GABRA2: variants seen among roughly 807,000 people sequenced by gnomAD.
GABRA2 encodes gamma-aminobutyric acid receptor subunit alpha-2.
Under a neutral mutation model 48.7 loss-of-function variants are expected in GABRA2, and 16 were observed. The observed-to-expected ratio is 0.33, with a 90% CI of 0.22 to 0.50. The LOEUF is 0.50. Among genes scored for constraint, GABRA2 ranks in the 20% least tolerant of loss-of-function variants. GABRA2 has a pLI of 0.98. For synonymous variants in GABRA2, 185 were observed against 184.5 expected (o/e 1.00, Z -0.02); for missense variants, 275 against 535.6 (o/e 0.51, Z 4.80).
intron 4 of GABRA2, among the ~76,000 whole-genome samples, chr4:46,321,688 G>T (rs938615456): frequency 4.6e-5 from 7 of 151,882 alleles, no homozygotes; most frequent in African/African-American, 1.7e-4. Context: ...TTACTTCCTA[G>T]GACTCTTGTA....
intron 3 of GABRA2, among the ~76,000 whole-genome samples, chr4:46,358,173 C>G (rs774616633): frequency 3.3e-5 from 5 of 152,082 alleles, no homozygotes; most frequent in African/African-American, 1.2e-4. Context: ...CCAGCTCTAA[C>G]CAAACAACTT....
intron 8 of GABRA2, among the ~76,000 whole-genome samples, chr4:46,270,332 T>C (rs1719079561): frequency 6.6e-6 from 1 of 152,052 alleles, no homozygotes; most frequent in African/African-American, 2.4e-5. Context: ...CTTTTCTGTT[T>C]ACTGCTTTGG....
intron 8 of GABRA2, 71 bp from the exon 9 acceptor site, chr4:46,262,199 T>C (rs1717112409): frequency 8.0e-7 from 1 of 1,243,000 alleles, no homozygotes. Flanking sequence ...GTAGCTTTTC[T>C]TTCTCCCTCC....
rs1718047962 is a variant in GABRA2, at chr4:46,390,037, G to T, written c.-313C>A. 2.1e-5 allele frequency: 6 copies of T among 291,206 alleles called. No homozygotes were observed. Among genetic ancestry groups the T allele is most frequent in the Non-Finnish European group, 2.8e-5 (6 of 215,160 alleles). The allele number at this position is 291,206 out of a possible 1,614,324, so 18.0% of individuals were successfully genotyped here. A position where few individuals can be genotyped will look rare whatever the true frequency, so the allele number is the denominator to read the frequency against. ...GGAGGAAGAGGAGGAGGGGGAAAAC[G>T]ATGACAGGAGCTGGGGCCGGGGGGG... On this transcript the variant is annotated 5_prime_UTR_variant, in exon 1 of 10. Transcript: ENST00000381620.
chr4:46,263,092 T>C (rs576224383), intron 8 of GABRA2, among the ~76,000 whole-genome samples: 2 of 152,084 alleles, frequency 1.3e-5, no homozygotes, highest in East Asian at 3.9e-4. Flanking sequence ...TACATATACA[T>C]ATACATGTAT....
chr4:46,262,957 A>G (rs1717325528), intron 8 of GABRA2, among the ~76,000 whole-genome samples: 1 of 26,890 alleles, frequency 3.7e-5, no homozygotes, highest in Non-Finnish European at 7.5e-5. Context: ...AAAGAAAGAA[A>G]GAGAGAGAGA....
intron 3 of GABRA2, among the ~76,000 whole-genome samples, chr4:46,344,595 T>C (rs1049351862): frequency 1.5e-4 from 23 of 151,430 alleles, no homozygotes; most frequent in Admixed American, 1.3e-4. Context: ...AAGACTGAGG[T>C]TGAAAGGGAG....
At chr4:46,308,717 C>T (rs571033864) in intron 6 of GABRA2, among the ~76,000 whole-genome samples, 1 of 152,288 alleles carries the variant, frequency 6.6e-6, no homozygotes, top group South Asian at 2.1e-4. Context: ...ACTATATGCT[C>T]AAGCATGCGA....
intron 4 of GABRA2, among the ~76,000 whole-genome samples, chr4:46,327,830 C>T (rs1203870407): frequency 6.6e-6 from 1 of 152,036 alleles, no homozygotes; most frequent in Non-Finnish European, 1.5e-5. Context: ...TAATGGTAAA[C>T]TCTGTATCAG....
intron 3 of GABRA2, among the ~76,000 whole-genome samples, chr4:46,378,724 G>T (rs1031584325): frequency 8.5e-5 from 13 of 152,070 alleles, no homozygotes; most frequent in African/African-American, 2.4e-4. Flanking sequence ...CTACTCAGGG[G>T]ACTGAGGTGG....
rs1265438404 is a variant in GABRA2, at chr4:46,321,580, C to T, written c.256-8864G>A. ...AGAAATAGATGTTAAAACACAAGTT[C>T]TCAAGTCGGGTAGATCAGGGTACCT... On this transcript the variant is annotated intron_variant, in intron 4 of 9. Transcript: ENST00000381620. Among the ~76,000 whole-genome samples the T allele has an allele frequency of 2.0e-5, 3 of 152,016 alleles. No individual in the cohort carries two copies. In the East Asian group the frequency reaches 5.8e-4, roughly 29 times the overall value.
chr4:46,311,928 G>A (rs753401732), intron 5 of GABRA2, among the ~76,000 whole-genome samples: 1 of 152,066 alleles, frequency 6.6e-6, no homozygotes, highest in Non-Finnish European at 1.5e-5. Flanking sequence ...GCGAAACACC[G>A]TCTCTACTAA....
At chr4:46,256,057 C>T (rs999004165) in intron 9 of GABRA2, 1 of 419,974 alleles carries the variant, frequency 2.4e-6, no homozygotes, top group African/African-American at 2.0e-5. Flanking sequence ...GCTTTTTCTA[C>T]CATACCATGT....
At chr4:46,378,944 AC>A in intron 3 of GABRA2, among the ~76,000 whole-genome samples, 1 of 152,326 alleles carries the variant, frequency 6.6e-6, no homozygotes, top group African/African-American at 2.4e-5. Context: ...TATAATACAT[AC>A]CAGCGCTGCC....
At chr4:46,252,969 A>T (rs1715089627) in intron 9 of GABRA2, among the ~76,000 whole-genome samples, 1 of 151,422 alleles carries the variant, frequency 6.6e-6, no homozygotes, top group Non-Finnish European at 1.5e-5. Flanking sequence ...GTGGAGTGCA[A>T]ATCATAACTA....
intron 8 of GABRA2, among the ~76,000 whole-genome samples, chr4:46,270,492 T>G (rs1719116197): frequency 6.6e-6 from 1 of 151,990 alleles, no homozygotes; most frequent in African/African-American, 2.4e-5. Context: ...CTCTAAATGT[T>G]TCCTTAGCAT....
intron 8 of GABRA2, among the ~76,000 whole-genome samples, chr4:46,290,754 G>A (rs950737895): frequency 2.6e-5 from 4 of 152,112 alleles, no homozygotes; most frequent in Admixed American, 2.6e-4. Flanking sequence ...AAATTAATGG[G>A]AGAGAAGTGA....
chr4:46,348,802 C>A (rs1054060528), intron 3 of GABRA2, among the ~76,000 whole-genome samples: 9 of 150,184 alleles, frequency 6.0e-5, no homozygotes, highest in African/African-American at 1.7e-4. Flanking sequence ...GGAGGGATAG[C>A]ATTAGGAGAT....
At chr4:46,313,114 A>G (rs1157278148) in intron 4 of GABRA2, among the ~76,000 whole-genome samples, 1 of 121,792 alleles carries the variant, frequency 8.2e-6, no homozygotes, top group Non-Finnish European at 1.7e-5. Context: ...CTTTCCCAGT[A>G]GCAAATAAAT....
Sources: allele counts gnomAD v4.1 joint callset (sites outside exome capture counted in the v4.1 genomes callset), GRCh38; gene constraint gnomAD v4.1.1; transcripts MANE v1.5; gene names NCBI Gene and HGNC (gene_info 2026-07-23, HGNC 2026-07-21).